Variants in KLHL29 observed in about 807,000 individuals in gnomAD.
The protein encoded by KLHL29 is kelch-like protein 29.
KLHL29 carries 21 observed loss-of-function variants against 80.4 expected under a neutral mutation model. That is an observed-to-expected ratio of 0.26 (90% CI 0.19 to 0.38). KLHL29 has a LOEUF of 0.38. KLHL29 is among the 10% of genes least tolerant of loss of function. The pLI, the probability that KLHL29 is intolerant of heterozygous loss-of-function variation, is 1.00. For missense variants in KLHL29, 867 were observed against 1,223.9 expected (o/e 0.71, Z 4.35); for synonymous variants, 511 against 526.8 (o/e 0.97, Z 0.41).
At chr2:23,654,478 T>C (rs1416987689) in intron 5 of KLHL29, among the ~76,000 whole-genome samples, 1 of 152,240 alleles carries the variant, frequency 6.6e-6, no homozygotes, top group Non-Finnish European at 1.5e-5. Flanking sequence ...TCAGTCTTTC[T>C]TTTATATGGA....
intron 2 of KLHL29, among the ~76,000 whole-genome samples, chr2:23,534,815 A>T (rs546060196): frequency 6.6e-6 from 1 of 152,360 alleles, no homozygotes; most frequent in South Asian, 2.1e-4. Flanking sequence ...AAGAAAAAAC[A>T]GTGCCTTTTC....
intron 3 of KLHL29, among the ~76,000 whole-genome samples, chr2:23,570,260 CCT>C (rs2103501976): frequency 6.6e-6 from 1 of 152,334 alleles, no homozygotes; most frequent in South Asian, 2.1e-4. Flanking sequence ...AGCTTCCCCT[CCT>C]CTGCTTTCTG....
chr2:23,613,790 A>AAAAAAAAAC (rs1668933636), intron 3 of KLHL29, among the ~76,000 whole-genome samples: 1 of 146,582 alleles, frequency 6.8e-6, no homozygotes, highest in African/African-American at 2.5e-5. Context: ...AAAAAAAAAA[A>AAAAAAAAAC]CCCACCACTC....
At chr2:23,693,761 C>CT (rs1181902143) in intron 8 of KLHL29, among the ~76,000 whole-genome samples, 1 of 152,232 alleles carries the variant, frequency 6.6e-6, no homozygotes, top group Non-Finnish European at 1.5e-5. Context: ...CACCTGCACT[C>CT]TGCAGGGAGA....
At chr2:23,391,210 C>T (rs1395981966) in intron 1 of KLHL29, among the ~76,000 whole-genome samples, 2 of 152,230 alleles carry the variant, frequency 1.3e-5, no homozygotes, top group East Asian at 3.8e-4. Context: ...TTTATCACAT[C>T]TTGTGGCATG....
intron 2 of KLHL29, among the ~76,000 whole-genome samples, chr2:23,488,975 G>T (rs1426517948): frequency 2.0e-5 from 3 of 152,204 alleles, no homozygotes; most frequent in Admixed American, 1.3e-4. Flanking sequence ...TCTCGCTTCT[G>T]GGGTGGCTAC....
intron 2 of KLHL29, among the ~76,000 whole-genome samples, chr2:23,536,399 TAATTCAG>T (rs1490268932): frequency 6.6e-6 from 1 of 152,216 alleles, no homozygotes; most frequent in African/African-American, 2.4e-5. Flanking sequence ...TCCTGGCCTG[TAATTCAG>T]AATGATACCC....
intron 11 of KLHL29, among the ~76,000 whole-genome samples, chr2:23,702,000 T>C (rs1490261662): frequency 6.6e-6 from 1 of 151,708 alleles, no homozygotes; most frequent in Non-Finnish European, 1.5e-5. Flanking sequence ...TTTTTGTATT[T>C]TTAGTAGAGA....
chr2:23,633,624 T>A (rs1215730885), intron 3 of KLHL29, among the ~76,000 whole-genome samples: 1 of 152,158 alleles, frequency 6.6e-6, no homozygotes, highest in African/African-American at 2.4e-5. Context: ...CCCTTGGTGA[T>A]GTTCAGCTGA....
intron 3 of KLHL29, among the ~76,000 whole-genome samples, chr2:23,584,442 A>G (rs1160654976): frequency 4.6e-5 from 7 of 152,220 alleles, no homozygotes; most frequent in Non-Finnish European, 1.0e-4. Context: ...CCAAATTTGG[A>G]AAGTATTGGC....
chr2:23,472,566 G>A (rs1419893585), intron 1 of KLHL29, among the ~76,000 whole-genome samples: 7 of 152,106 alleles, frequency 4.6e-5, no homozygotes, highest in African/African-American at 9.7e-5. Context: ...CCCGGGAGGC[G>A]GAGGCTGCAG....
chr2:23,512,465 G>C (rs956866494), intron 2 of KLHL29, among the ~76,000 whole-genome samples: 7 of 151,866 alleles, frequency 4.6e-5, no homozygotes, highest in African/African-American at 1.7e-4. Flanking sequence ...AAAAGATTGG[G>C]ATGATAAAAA....
At chr2:23,533,632 C>T (rs541521684) in intron 2 of KLHL29, among the ~76,000 whole-genome samples, 9 of 152,232 alleles carry the variant, frequency 5.9e-5, no homozygotes, top group South Asian at 2.1e-4. Flanking sequence ...AGATGGGGTG[C>T]GGCGTTTGGG....
intron 2 of KLHL29, among the ~76,000 whole-genome samples, chr2:23,510,656 G>A (rs1665740385): frequency 6.6e-6 from 1 of 152,216 alleles, no homozygotes; most frequent in Admixed American, 6.5e-5. Flanking sequence ...GTGGCACCTG[G>A]CCCAGAGAGC....
At chr2:23,434,320 CAAAA>C (rs34991893) in intron 1 of KLHL29, among the ~76,000 whole-genome samples, 15 of 54,912 alleles carry the variant, frequency 2.7e-4, no homozygotes, top group Middle Eastern at 0.016. Flanking sequence ...GACTCCGTCT[CAAAA>C]AAAAAAAAAA....
At chr2:23,434,892 G>A (rs1237432879) in intron 1 of KLHL29, among the ~76,000 whole-genome samples, 1 of 152,194 alleles carries the variant, frequency 6.6e-6, no homozygotes, top group African/African-American at 2.4e-5. Context: ...CTGAGAGGGG[G>A]TGGGGAGTGT....
Position 23,476,190 on chromosome 2 carries a change from C to T in KLHL29, c.-46+523C>T, listed in dbSNP as rs536793045. ...GTGCCCCATCAGAGAATCTCTGTGA[C>T]AGTTCCTTGCTTACCTGGGTCTTGG... On this transcript the variant is annotated intron_variant, in intron 2 of 13. Coordinates refer to ENST00000486442, the MANE Select transcript of KLHL29 (RefSeq NM_052920.2). Among the ~76,000 whole-genome samples the T allele has an allele frequency of 2.0e-5, 3 of 152,120 alleles. 1 individual carries two copies. The South Asian group carries it at 6.2e-4, about 32-fold the overall frequency.
At chr2:23,495,045 G>C (rs923810106) in intron 2 of KLHL29, among the ~76,000 whole-genome samples, 4 of 152,148 alleles carry the variant, frequency 2.6e-5, no homozygotes, top group African/African-American at 9.7e-5. Context: ...ATTTATTTCT[G>C]TGAGTATTTT....
At chr2:23,505,769 C>T (rs1359004695) in intron 2 of KLHL29, among the ~76,000 whole-genome samples, 3 of 152,240 alleles carry the variant, frequency 2.0e-5, no homozygotes, top group African/African-American at 7.2e-5. Flanking sequence ...ACCAGTGTCA[C>T]GTGGAAGAGA....
Sources: gnomAD v4.1 joint callset for allele counts (sites outside exome capture counted in the v4.1 genomes callset) on GRCh38, gnomAD v4.1.1 for gene constraint, MANE v1.5 for transcripts, NCBI Gene and HGNC (gene_info 2026-07-23, HGNC 2026-07-21) for gene names.